EIF3G: variants seen among roughly 807,000 people sequenced by gnomAD.
The protein encoded by EIF3G is eukaryotic translation initiation factor 3 subunit G.
EIF3G carries 10 observed loss-of-function variants against 41.7 expected under a neutral mutation model. That is an observed-to-expected ratio of 0.24 (90% CI 0.15 to 0.41). The LOEUF (loss-of-function observed/expected upper bound fraction) is 0.41, where lower values mean the gene tolerates loss of function less well. EIF3G is among the 10% of genes least tolerant of loss of function. The probability of loss-of-function intolerance (pLI) is 1.00; values close to 1 mark genes in which losing one functional copy is unlikely to be tolerated. For missense variants in EIF3G, 297 were observed against 444.0 expected, an observed-to-expected ratio of 0.67 and a Z score of 2.98; for synonymous variants, 204 against 172.5, an observed-to-expected ratio of 1.18 and a Z score of -1.43.
chr19:10,116,709 C>A lies in EIF3G; in HGVS notation c.595+91G>T. 4 of 1,348,328 alleles carry A rather than the reference C, an allele frequency of 3.0e-6. No individual in the cohort carries two copies. 83.5% of individuals were successfully genotyped at this position (1,348,328 alleles called of 1,614,324 possible). A position where few individuals can be genotyped will look rare whatever the true frequency, so the allele number is the denominator to read the frequency against. On this transcript the variant is annotated intron_variant, in intron 7 of 10. Coordinates refer to ENST00000253108, the MANE Select transcript of EIF3G (RefSeq NM_003755.5). This position sits in a 1 kb window ranked among gnomAD's most constrained non-coding sequence, Gnocchi z 4.1. ...CGAGGAGAGTCTGGCACCATCAAAC[C>A]CGCTGCACTGTCGTGCGGGAGATGA...
Position 10,115,774 on chromosome 19 carries a change from C to T in EIF3G, c.750G>A (p.Thr250=), listed in dbSNP as rs142974473. 1.2e-3 allele frequency: 1,867 copies of T among 1,614,090 alleles called. 2 individuals are homozygous for T. Among genetic ancestry groups the T allele is most frequent in the Middle Eastern group, 5.3e-3 (32 of 6,062 alleles). ...AGAGCTCCTGCAGGTCGGTCTCACG[C>T]GTGTCCTCTGACAAGTTGGTGACAC... The part of the protein sequence containing the change: ...TIRVTNLSED[T]RETDLQELFR... Residue 250 remains threonine (T), a synonymous_variant, in exon 9 of 11, where the codon ACG becomes ACA. Coordinates refer to ENST00000253108, the MANE Select transcript of EIF3G (RefSeq NM_003755.5).
Position 10,115,021 on chromosome 19 carries a change from A to T in EIF3G, c.*93T>A, listed in dbSNP as rs1424509619. On this transcript the variant is annotated 3_prime_UTR_variant, in exon 11 of 11. Transcript: ENST00000253108. ...AGAACAAAAAGAACCAAGTAGAGAG[A>T]GTGGAGCTGCTTTATTGCCCTTGGA... The T allele has an allele frequency of 3.8e-6, 6 of 1,568,680 alleles. No homozygotes were observed. The highest frequency in any genetic ancestry group is 2.3e-5 in the South Asian group (2 of 88,054).
At position 10,116,321 on chromosome 19, in the gene EIF3G, G is replaced by A. The variant is rs2089249192; in HGVS notation, c.596-247C>T. On this transcript the variant is annotated intron_variant, in intron 7 of 10. Transcript: ENST00000253108. The surrounding 1 kb of genome is among the most constrained non-coding windows in gnomAD (Gnocchi z 4.1). ...CGACCCCACCCCAGAGAGGGCGGGA[G>A]GACAACAGGGGCAGCAGCCTCACAT... 8.7e-6 allele frequency: 5 copies of A among 573,750 alleles called. 1 individual carries two copies. The highest frequency in any genetic ancestry group is 8.2e-5 in the South Asian group (4 of 48,502). 35.5% of individuals were successfully genotyped at this position (573,750 alleles called of 1,614,324 possible).
At chr19:10,118,843 C>T in intron 4 of EIF3G, 25 bp downstream of exon 4, 1 of 1,611,662 alleles carries the variant, frequency 6.2e-7, no homozygotes, top group Non-Finnish European at 8.5e-7. Context: ...CAAGGGTCCC[C>T]ACTCCCTGCA....
intron 10 of EIF3G, 85 bp from the exon 11 acceptor site, chr19:10,115,214 G>T: frequency 6.5e-7 from 1 of 1,546,958 alleles, no homozygotes. Context: ...GGGGGTGGGT[G>T]GGCAGAGGAC....
intron 10 of EIF3G, 94 bp from the exon 11 acceptor site, chr19:10,115,223 A>T: frequency 6.6e-7 from 1 of 1,509,998 alleles, no homozygotes; most frequent in South Asian, 1.2e-5. Context: ...TGGGCAGAGG[A>T]CGGGGTAATG....
chr19:10,117,155 G>C lies in EIF3G; in HGVS notation c.334C>G (p.Pro112Ala), dbSNP rs150720892. ...WKKFGNSEFD[P>A]PGPNVATTTV... ...GTGGTGGCCACATTGGGTCCGGGGG[G>C]GTCAAACTCTGAGTTCCCGAACTTC... is the stretch of plus-strand genomic sequence containing the variant. Residue 112 changes from proline (P) to alanine (A), a missense_variant, in exon 6 of 11, where the codon CCC (proline) becomes GCC (alanine). Physicochemically the swap from Pro to Ala is conservative, Grantham distance 27. Around this residue, in one of 4 missense-constraint regions of EIF3G, gnomAD observed 147 missense variants for 162.4 expected, o/e 0.91. Coordinates refer to ENST00000253108, the MANE Select transcript of EIF3G (RefSeq NM_003755.5). The C allele has an allele frequency of 1.7e-5, 28 of 1,612,988 alleles. No individual in the cohort carries two copies. Among genetic ancestry groups the C allele is most frequent in the South Asian group, 7.7e-5 (7 of 90,948 alleles).
chr19:10,115,842 G>A (rs952182350), intron 8 of EIF3G, 22 bp from the exon 9 acceptor site: 4 of 1,608,926 alleles, frequency 2.5e-6, no homozygotes, highest in Non-Finnish European at 3.4e-6. Context: ...AGGGGAGGTG[G>A]CTGTGAGGGG....
chr19:10,116,609 C>T lies in EIF3G; in HGVS notation c.595+191G>A, dbSNP rs1373468048. ...GGGCCACCAGCAAAGTCACAGCTGC[C>T]AAGTCGCACATATATGGGAGACGCC... On this transcript the variant is annotated intron_variant, in intron 7 of 10. Transcript: ENST00000253108. This position sits in a 1 kb window ranked among gnomAD's most constrained non-coding sequence, Gnocchi z 4.1. 6.9e-6 allele frequency: 4 copies of T among 581,324 alleles called. No individual in the cohort carries two copies. The highest frequency in any genetic ancestry group is 1.2e-5 in the Non-Finnish European group (4 of 335,376). The allele number at this position is 581,324 out of a possible 1,614,324, so 36.0% of individuals were successfully genotyped here.
At position 10,115,053 on chromosome 19, in the gene EIF3G, G is replaced by T; in HGVS notation, c.*61C>A. ...CTGCTTTATTGCCCTTGGAGCCCGC[G>T]CTCTCGGAGGCTGTCTTCTGTCGCC... On this transcript the variant is annotated 3_prime_UTR_variant, in exon 11 of 11. Coordinates refer to ENST00000253108, the MANE Select transcript of EIF3G (RefSeq NM_003755.5). 6.2e-7 allele frequency: 1 copy of T among 1,610,378 alleles called. No homozygotes were observed. The highest frequency in any genetic ancestry group is 8.5e-7 in the Non-Finnish European group (1 of 1,177,908).
chr19:10,119,516 G>A, intron 2 of EIF3G, 138 bp downstream of exon 2: 1 of 1,146,732 alleles, frequency 8.7e-7, no homozygotes, highest in Non-Finnish European at 1.3e-6. Context: ...TTGGCAACAG[G>A]CGGGTCCCAA....
chr19:10,118,688 T>G lies in EIF3G; in HGVS notation c.280A>C (p.Lys94Gln). The change falls in exon 5 of 11, where the codon AAG becomes CAG. Residue 94 changes from lysine (K) to glutamine (Q), a missense_variant. Lys to Gln is a moderately conservative substitution (Grantham distance 53). Coordinates refer to ENST00000253108, the MANE Select transcript of EIF3G (RefSeq NM_003755.5). ...CTCACCTTCCTCCTTGCGACAGCCT[T>G]TGAAGCCTTCCGGGTCTCAATCCTG... ...TFRIETRKAS[K>Q]AVARRKNWKK... The G allele has an allele frequency of 6.2e-7, 1 of 1,614,126 alleles. No individual in the cohort carries two copies. Among genetic ancestry groups the G allele is most frequent in the South Asian group, 1.1e-5 (1 of 91,086 alleles).
chr19:10,118,047 G>C (rs1314518748), intron 5 of EIF3G: 4 of 152,544 alleles, frequency 2.6e-5, no homozygotes, highest in Non-Finnish European at 5.9e-5. Context: ...ACTGGACACT[G>C]TGTCTTTAAA....
At position 10,119,436 on chromosome 19, in the gene EIF3G, C is replaced by T. The variant is rs928887486; in HGVS notation, c.67+218G>A. The T allele has an allele frequency of 1.6e-5, 12 of 763,624 alleles. 1 individual carries two copies. The Admixed American group carries it at 2.2e-4, about 14-fold the overall frequency. 47.3% of individuals were successfully genotyped at this position (763,624 alleles called of 1,614,324 possible). A position where few individuals can be genotyped will look rare whatever the true frequency, so the allele number is the denominator to read the frequency against. ...ACAGGAGACGGGAGATTACAACTTC[C>T]TCCCTGGAGGGGAACAGCTGGGAGG... On this transcript the variant is annotated intron_variant, in intron 2 of 10. Coordinates refer to ENST00000253108, the MANE Select transcript of EIF3G (RefSeq NM_003755.5).
At chr19:10,115,448 A>C (rs200086408) in intron 10 of EIF3G, 31 bp downstream of exon 10, 2 of 1,582,542 alleles carry the variant, frequency 1.3e-6, no homozygotes, top group Non-Finnish European at 1.7e-6. Flanking sequence ...CAAGGCAGGG[A>C]GCAGGGGCTG....
intron 2 of EIF3G, 101 bp from the exon 3 acceptor site, chr19:10,119,272 G>A: frequency 2.2e-6 from 3 of 1,345,668 alleles, no homozygotes; most frequent in Non-Finnish European, 3.1e-6. Flanking sequence ...CAAAAGCGGA[G>A]AAAGGCAGGC....
At chr19:10,119,731 T>A (rs375810210) in intron 1 of EIF3G, 31 bp from the exon 2 acceptor site, 9 of 1,612,430 alleles carry the variant, frequency 5.6e-6, no homozygotes, top group Middle Eastern at 1.6e-4. Flanking sequence ...GGAACGAAGA[T>A]TAAGTCAGCC....
At position 10,118,755 on chromosome 19, in the gene EIF3G, G is replaced by C. The variant is rs774175364; in HGVS notation, c.241-28C>G. 1.9e-6 allele frequency: 3 copies of C among 1,613,268 alleles called. No individual in the cohort carries two copies. In the South Asian group the frequency reaches 3.3e-5, roughly 18 times the overall value. ...GAGGATGGGAGGGGAGAAGGGTCAG[G>C]CTCCTGGGACCAAGGGATCTCCTTT... On this transcript the variant is annotated intron_variant, in intron 4 of 10. Transcript: ENST00000253108.
intron 2 of EIF3G, 134 bp downstream of exon 2, chr19:10,119,520 G>A (rs2089288358): frequency 2.5e-6 from 3 of 1,196,120 alleles, no homozygotes; most frequent in East Asian, 5.1e-5. Flanking sequence ...CAACAGGCGG[G>A]TCCCAAGGAG....
Sources: allele counts gnomAD v4.1 joint callset, GRCh38; gene constraint gnomAD v4.1.1; regional missense constraint gnomAD v4.1.1; non-coding constraint Gnocchi (gnomAD v3.1); transcripts MANE v1.5; gene names NCBI Gene and HGNC (gene_info 2026-07-23, HGNC 2026-07-21).